The following SNX8 variants were observed in gnomAD, a reference collection of about 807,000 sequenced individuals.
The protein encoded by SNX8 is sorting nexin 8.
Under a neutral mutation model 51.6 loss-of-function variants are expected in SNX8, and 25 were observed. The observed-to-expected ratio is 0.48, with a 90% confidence interval of 0.35 to 0.68. The LOEUF (loss-of-function observed/expected upper bound fraction) is 0.68, where lower values mean the gene tolerates loss of function less well. Among genes scored for constraint, SNX8 ranks in the 30% least tolerant of loss-of-function variants. The pLI is 0.00. For missense variants in SNX8, 695 were observed against 624.0 expected, an observed-to-expected ratio of 1.11 and a Z score of -1.21; for synonymous variants, 324 against 277.0, an observed-to-expected ratio of 1.17 and a Z score of -1.68.
intron 1 of SNX8, among the ~76,000 whole-genome samples, chr7:2,300,214 T>C (rs1048354898): frequency 1.3e-5 from 2 of 152,114 alleles, no homozygotes; most frequent in Admixed American, 1.3e-4. Context: ...AACTCCAAGA[T>C]TGGTTAACCA....
At chr7:2,286,554 G>A (rs2115156900) in intron 1 of SNX8, among the ~76,000 whole-genome samples, 1 of 146,446 alleles carries the variant, frequency 6.8e-6, no homozygotes, top group Non-Finnish European at 1.5e-5. Context: ...GTCTTGCTCT[G>A]TCGCCCAGGC....
intron 1 of SNX8, among the ~76,000 whole-genome samples, chr7:2,295,537 T>A (rs1796254247): frequency 6.9e-6 from 1 of 144,394 alleles, no homozygotes; most frequent in African/African-American, 2.6e-5. Context: ...AAACCCTGTC[T>A]CTACTAAAAA....
rs561980365 is a variant in SNX8 at position 2,332,856 on chromosome 7, AAG to A, written c.-66+21364_-66+21365del. Among the ~76,000 whole-genome samples, 10 of 151,014 alleles carry A rather than the reference AAG, an allele frequency of 6.6e-5. 1 individual carries two copies. The highest frequency in any genetic ancestry group is 1.0e-4 in the Non-Finnish European group (7 of 67,676). ...GAAGGAAGGCAGGGAGGGAGGGAAA[AAG>A]AGAGAGAGAGAAAGAAAGAGAAAGA... On this transcript the variant is annotated intron_variant, in intron 1 of 5. Transcript: ENST00000435336.
intron 8 of SNX8, 66 bp downstream of exon 8, chr7:2,257,669 C>T: frequency 6.3e-7 from 1 of 1,580,576 alleles, no homozygotes; most frequent in Admixed American, 1.7e-5. Flanking sequence ...AGGAGTTAGA[C>T]CCTTGAAGGA....
chr7:2,343,863 T>A (rs1562464472), intron 1 of SNX8, among the ~76,000 whole-genome samples: 1 of 151,110 alleles, frequency 6.6e-6, no homozygotes, highest in South Asian at 2.1e-4. Context: ...TACTAAAAAA[T>A]ACAAAATTAG....
At chr7:2,280,149 C>T (rs1795877822) in intron 1 of SNX8, among the ~76,000 whole-genome samples, 1 of 152,156 alleles carries the variant, frequency 6.6e-6, no homozygotes, top group Non-Finnish European at 1.5e-5. Flanking sequence ...CCAGAAAACT[C>T]CAGCTGCCTT....
At chr7:2,255,497 G>A (rs1301940630) in intron 10 of SNX8, among the ~76,000 whole-genome samples, 3 of 152,154 alleles carry the variant, frequency 2.0e-5, no homozygotes, top group Non-Finnish European at 4.4e-5. Context: ...GCTGCCGTGC[G>A]GGCACTGGCC....
At chr7:2,282,984 G>A (rs1795941942) in intron 1 of SNX8, among the ~76,000 whole-genome samples, 1 of 151,794 alleles carries the variant, frequency 6.6e-6, no homozygotes, top group Admixed American at 6.6e-5. Context: ...AGCCGGGCGT[G>A]GTGGCGGAAG....
chr7:2,260,551 TC>T lies in SNX8; in HGVS notation c.915+2678del, dbSNP rs1795311195. On this transcript the variant is annotated intron_variant, in intron 7 of 10. Coordinates refer to ENST00000222990, the MANE Select transcript of SNX8 (RefSeq NM_013321.4). ...TCACCATGGAAAACACAGACCCTAC[TC>T]CGAGTCTCACGTGTCTTGCTGGGAT... is the stretch of plus-strand genomic sequence containing the variant. Among the ~76,000 whole-genome samples, 3 of 152,232 alleles carry T rather than the reference TC, an allele frequency of 2.0e-5. No homozygotes were observed. In the South Asian group the frequency reaches 6.2e-4, roughly 32 times the overall value.
At position 2,263,260 on chromosome 7, in the gene SNX8, G is replaced by C. The variant is rs371599582; in HGVS notation, c.885C>G (p.Phe295Leu). ...GTGCAGCCTTGTCGGCGAGCAGCGC[G>C]AATTCCACAGACAGGCCTTTCAGAG... Reference protein sequence around the residue: ...KQALKGLSVEFALLADKAAQQ... With the variant: ...KQALKGLSVELALLADKAAQQ... The change falls in exon 7 of 11, where the codon TTC becomes TTG. Residue 295 changes from phenylalanine (F) to leucine (L), a missense_variant. By Grantham distance (22) the Phe-to-Leu change is conservative (BLOSUM62 0). Transcript: ENST00000222990. 1 of 1,613,928 alleles carries C rather than the reference G, an allele frequency of 6.2e-7. No homozygotes were observed.
intron 1 of SNX8, among the ~76,000 whole-genome samples, chr7:2,285,376 G>A (rs777462105): frequency 7.9e-5 from 12 of 152,000 alleles, no homozygotes; most frequent in African/African-American, 2.2e-4. Context: ...GCAACAGAGC[G>A]AGACTCAGTC....
chr7:2,260,008 AAGAGAGAGAGAAAGAAAG>A (rs1039811079), intron 7 of SNX8, among the ~76,000 whole-genome samples: 1 of 152,132 alleles, frequency 6.6e-6, no homozygotes, highest in Non-Finnish European at 1.5e-5. Context: ...GGAAAAAAGA[AAGAGAGAGAGAAAGAAAG>A]AGAGAGAGAG....
chr7:2,314,733 G>C (rs1584734421), upstream of SNX8, among the ~76,000 whole-genome samples: 3 of 152,172 alleles, frequency 2.0e-5, no homozygotes, highest in South Asian at 6.2e-4. Context: ...TGCACCCACC[G>C]CACCCTCATT....
intron 9 of SNX8, 64 bp downstream of exon 9, chr7:2,257,301 G>A: frequency 1.9e-6 from 3 of 1,543,674 alleles, no homozygotes; most frequent in Non-Finnish European, 2.6e-6. Context: ...GGACGGCTCC[G>A]GGTCCCACCA....
At chr7:2,338,709 A>G (rs1195873090) in intron 1 of SNX8, among the ~76,000 whole-genome samples, 5 of 152,142 alleles carry the variant, frequency 3.3e-5, no homozygotes, top group Non-Finnish European at 7.4e-5. Flanking sequence ...CCAACTCCAT[A>G]AAATATATAA....
In SNX8 at chr7:2,323,484, A is replaced by G. The variant is rs180692646; in HGVS notation, c.-66+30738T>C. Among the ~76,000 whole-genome samples the G allele has an allele frequency of 6.0e-4, 92 of 152,262 alleles. 2 individuals carry two copies. The South Asian group carries it at 7.9e-3, about 13-fold the overall frequency. ...TAACAATCTCAAATCCCAGAGGCTT[A>G]AAGTCACAAAGGGGTTCATGTCTGT... On this transcript the variant is annotated intron_variant, in intron 1 of 5. Coordinates refer to the SNX8 transcript ENST00000435336.
chr7:2,333,554 C>T (rs1778775778), intron 1 of SNX8, among the ~76,000 whole-genome samples: 1 of 151,980 alleles, frequency 6.6e-6, no homozygotes, highest in African/African-American at 2.4e-5. Context: ...AGAGTGAGAA[C>T]CTGTCTCTAA....
intron 7 of SNX8, among the ~76,000 whole-genome samples, chr7:2,259,079 C>T (rs375202805): frequency 2.5e-4 from 38 of 152,322 alleles, no homozygotes; most frequent in African/African-American, 8.2e-4. Context: ...GAGGCATCTG[C>T]GGTATGAAGA....
At chr7:2,304,409 TG>T (rs1281247655) in intron 1 of SNX8, among the ~76,000 whole-genome samples, 1 of 151,412 alleles carries the variant, frequency 6.6e-6, no homozygotes, top group Non-Finnish European at 1.5e-5. Flanking sequence ...CCAGGCGTGG[TG>T]GCGGGCGCCT....
Sources: allele counts gnomAD v4.1 joint callset (sites outside exome capture counted in the v4.1 genomes callset), GRCh38; gene constraint gnomAD v4.1.1; transcripts MANE v1.5; gene names NCBI Gene and HGNC (gene_info 2026-07-23, HGNC 2026-07-21).